The following DZIP1 variants were observed in gnomAD, a reference collection of about 807,000 sequenced individuals.
The protein encoded by DZIP1 is cilium assembly protein DZIP1.
In DZIP1, 97 loss-of-function variants were observed where a neutral mutation model predicts 107.6. That is an observed-to-expected ratio of 0.90 (90% CI 0.77 to 1.07). DZIP1 has a LOEUF of 1.07. DZIP1 is among the 50% of genes least tolerant of loss of function. The pLI, the probability that DZIP1 is intolerant of heterozygous loss-of-function variation, is 0.00. For missense variants in DZIP1, 1,035 were observed against 1,063.6 expected (o/e 0.97, Z 0.37); for synonymous variants, 390 against 386.4 (o/e 1.01, Z -0.11).
intron 8 of DZIP1, among the ~76,000 whole-genome samples, 156 bp from the exon 9 acceptor site, chr13:95,622,636 G>A (rs778431767): frequency 6.6e-6 from 1 of 152,018 alleles, no homozygotes; most frequent in Non-Finnish European, 1.5e-5. Flanking sequence ...CTGCTTCCCT[G>A]TGGTTTTACT....
intron 6 of DZIP1, among the ~76,000 whole-genome samples, chr13:95,631,343 C>T (rs1467557951): frequency 2.6e-5 from 4 of 151,810 alleles, no homozygotes; most frequent in South Asian, 2.1e-4. Flanking sequence ...AGTGAGTGCC[C>T]GTAGTCCCAG....
Position 95,641,366 on chromosome 13 carries a change from C to G in DZIP1, c.526G>C (p.Glu176Gln), listed in dbSNP as rs759183217. 3 of 1,614,010 alleles carry G rather than the reference C, an allele frequency of 1.9e-6. No homozygotes were observed. Among genetic ancestry groups the G allele is most frequent in the Admixed American group, 1.7e-5 (1 of 60,012 alleles). Reference protein sequence around the residue: ...QAGEIKTLKEECKRRKKMIST... With the variant: ...QAGEIKTLKEQCKRRKKMIST... The stretch of plus-strand genomic sequence containing the variant: ...ATCATCTTCTTCCGGCGTTTGCACT[C>G]TTCCTTGAGCGTCTTGATCTCCCCC... The change falls in exon 5 of 23, where the codon GAG becomes CAG. Residue 176 changes from glutamate (E) to glutamine (Q), a missense_variant. Physicochemically the swap from Glu to Gln is conservative, Grantham distance 29. Transcript: ENST00000376829. This position sits in a 1 kb window ranked among gnomAD's most constrained non-coding sequence, Gnocchi z 4.3.
rs543060200 is a variant in DZIP1, at chr13:95,642,080, G to T, written c.-51C>A. The T allele has an allele frequency of 2.0e-6, 3 of 1,484,992 alleles. No individual in the cohort carries two copies. The highest frequency in any genetic ancestry group is 2.7e-6 in the Non-Finnish European group (3 of 1,127,022). 92.0% of individuals were successfully genotyped at this position (1,484,992 alleles called of 1,614,324 possible). A position where few individuals can be genotyped will look rare whatever the true frequency, so the allele number is the denominator to read the frequency against. ...AGCCTGGGCCGCCTCCCGGGCCGCC[G>T]CCGCCACAGCCCTCAGGAGCGGGAG... On this transcript the variant is annotated 5_prime_UTR_variant, in exon 4 of 23. Transcript: ENST00000376829.
intron 15 of DZIP1, among the ~76,000 whole-genome samples, chr13:95,595,454 T>G (rs1328732038): frequency 6.6e-6 from 1 of 152,252 alleles, no homozygotes; most frequent in Non-Finnish European, 1.5e-5. Context: ...AAACTGCATA[T>G]AATTATATAT....
chr13:95,621,506 T>G (rs1205693420), intron 9 of DZIP1, among the ~76,000 whole-genome samples: 1 of 152,150 alleles, frequency 6.6e-6, no homozygotes, highest in Non-Finnish European at 1.5e-5. Context: ...TTACCTTTTT[T>G]AGAATGACCC....
At chr13:95,624,002 G>C (rs1453644732) in intron 8 of DZIP1, among the ~76,000 whole-genome samples, 1 of 115,036 alleles carries the variant, frequency 8.7e-6, no homozygotes, top group Non-Finnish European at 2.0e-5. Flanking sequence ...AAAAACAGGT[G>C]GTATGCTGGA....
rs755824494 is a variant in DZIP1 at position 95,591,022 on chromosome 13, CT to C, written c.1681-582del. Reference sequence around the variant, plus strand: ...GTCATCAGAGCATCAGAGGTGACTTCTTTTTTTTTTTTTTTTTTTTTCCTGA... The same window carrying C: ...GTCATCAGAGCATCAGAGGTGACTTCTTTTTTTTTTTTTTTTTTTTCCTGA... On this transcript the variant is annotated intron_variant, in intron 16 of 22. Transcript: ENST00000376829. Among the ~76,000 whole-genome samples, 422 of 127,452 alleles carry C rather than the reference CT, an allele frequency of 3.3e-3. 1 individual carries two copies. The highest frequency in any genetic ancestry group is 4.6e-3 in the African/African-American group (162 of 34,908). 83.6% of individuals were successfully genotyped at this position (127,452 alleles called of 152,430 possible).
rs1255764909 is a variant in DZIP1, at chr13:95,587,647, G to C, written c.2110C>G (p.Pro704Ala). The C allele has an allele frequency of 6.2e-7, 1 of 1,614,154 alleles. No individual in the cohort carries two copies. The highest frequency in any genetic ancestry group is 2.2e-5 in the East Asian group (1 of 44,880). The change falls in exon 20 of 23, where the codon CCG becomes GCG. Residue 704 changes from proline (P) to alanine (A), a missense_variant. Physicochemically the swap from Pro to Ala is conservative, Grantham distance 27. Coordinates refer to ENST00000376829, the MANE Select transcript of DZIP1 (RefSeq NM_198968.4). The part of the protein sequence containing the change: ...AYASPGPLPV[P>A]PPQNKGSFGK... ...AAGCTGCCCTTGTTTTGTGGTGGCG[G>C]CACAGGAAGTGGGCCTGGGGATGCG...
chr13:95,589,605 G>A (rs1442657348), intron 18 of DZIP1, among the ~76,000 whole-genome samples, 198 bp downstream of exon 18: 1 of 152,212 alleles, frequency 6.6e-6, no homozygotes, highest in Admixed American at 6.5e-5. Flanking sequence ...CTGGAGGCAT[G>A]GCAAGAAGGC....
intron 14 of DZIP1, among the ~76,000 whole-genome samples, chr13:95,600,142 G>A (rs773038755): frequency 9.9e-5 from 15 of 152,198 alleles, no homozygotes; most frequent in Non-Finnish European, 1.8e-4. Context: ...CCAGCAGCAG[G>A]TATAAAACCA....
intron 13 of DZIP1, among the ~76,000 whole-genome samples, chr13:95,607,804 C>G (rs2044831324): frequency 6.6e-6 from 1 of 152,156 alleles, no homozygotes; most frequent in South Asian, 2.1e-4. Context: ...AATTCATTCC[C>G]TTATTATGAA....
chr13:95,597,600 A>C (rs1338970843), intron 15 of DZIP1, among the ~76,000 whole-genome samples: 2 of 152,224 alleles, frequency 1.3e-5, no homozygotes, highest in Non-Finnish European at 2.9e-5. Flanking sequence ...AAAGCAAAGA[A>C]GGCAATGTGG....
At chr13:95,628,548 A>G (rs1002466995) in intron 7 of DZIP1, among the ~76,000 whole-genome samples, 2 of 152,238 alleles carry the variant, frequency 1.3e-5, no homozygotes, top group African/African-American at 4.8e-5. Flanking sequence ...TGTACACTGT[A>G]AAATGACTGT....
intron 14 of DZIP1, among the ~76,000 whole-genome samples, chr13:95,602,372 G>A (rs995569980): frequency 1.3e-5 from 2 of 152,168 alleles, no homozygotes; most frequent in East Asian, 1.9e-4. Flanking sequence ...CCCAAATGGA[G>A]GAAATCTCTC....
chr13:95,586,864 G>T (rs1006661653), intron 20 of DZIP1, among the ~76,000 whole-genome samples: 10 of 152,088 alleles, frequency 6.6e-5, no homozygotes, highest in African/African-American at 1.9e-4. Flanking sequence ...GCAGTGACAG[G>T]CTAAGATCTT....
rs532031184 is a variant in DZIP1 at position 95,628,777 on chromosome 13, T to C, written c.810+1212A>G. ...CATTATGCTGAGTAAAATAAGCCAA[T>C]GATGACAAAAAGACAAATACTCTAT... On this transcript the variant is annotated intron_variant, in intron 7 of 22. Coordinates refer to ENST00000376829, the MANE Select transcript of DZIP1 (RefSeq NM_198968.4). 3.7e-4 allele frequency among the ~76,000 whole-genome samples: 57 copies of C among 152,228 alleles called. 1 individual carries two copies. The highest frequency in any genetic ancestry group is 1.3e-4 in the Admixed American group (2 of 15,284).
chr13:95,630,996 G>A (rs1877127432), intron 6 of DZIP1, among the ~76,000 whole-genome samples: 1 of 152,148 alleles, frequency 6.6e-6, no homozygotes, highest in African/African-American at 2.4e-5. Flanking sequence ...ACTTATTAAT[G>A]AGATTATTAT....
At chr13:95,613,902 T>C (rs1874707355) in intron 10 of DZIP1, among the ~76,000 whole-genome samples, 1 of 152,060 alleles carries the variant, frequency 6.6e-6, no homozygotes, top group Admixed American at 6.6e-5. Flanking sequence ...GGAGGGAGGA[T>C]CACTGGAGTC....
chr13:95,610,096 GTGTGTGTGTGTGTGTGAGAGAGAGAC>G (rs1365840892), intron 12 of DZIP1, among the ~76,000 whole-genome samples: 1 of 141,486 alleles, frequency 7.1e-6, no homozygotes, highest in Non-Finnish European at 1.5e-5. Context: ...GTGTGTGTGT[GTGTGTGTGTGTGTGTGAGAGAGAGAC>G]AGAGAGAGAG....
Sources: gnomAD v4.1 joint callset for allele counts (sites outside exome capture counted in the v4.1 genomes callset) on GRCh38, gnomAD v4.1.1 for gene constraint, Gnocchi (gnomAD v3.1) non-coding constraint, MANE v1.5 for transcripts, NCBI Gene and HGNC (gene_info 2026-07-23, HGNC 2026-07-21) for gene names.